The following RANBP2 variants were observed in gnomAD, a reference collection of about 807,000 sequenced individuals.
RANBP2 encodes E3 SUMO-protein ligase RanBP2.
In RANBP2, 57 loss-of-function variants were observed where a neutral mutation model predicts 303.6. That is an observed-to-expected ratio of 0.19 (90% CI 0.15 to 0.23). The LOEUF is 0.23. Ranked by LOEUF, RANBP2 falls within the 10% of genes least tolerant of loss-of-function variation. RANBP2 has a pLI of 1.00. For missense variants in RANBP2, 3,138 were observed against 3,780.8 expected (o/e 0.83, Z 4.46); for synonymous variants, 1,167 against 1,301.5 (o/e 0.90, Z 2.23).
At chr2:109,440,393 A>C in the RANBP2 span, among the ~76,000 whole-genome samples, 1 of 152,224 alleles carries the variant, frequency 6.6e-6, no homozygotes, top group African/African-American at 2.4e-5. Flanking sequence ...CGAAAAGCTA[A>C]GCAGAGCAGA....
chr2:109,365,697 T>C, the RANBP2 span, among the ~76,000 whole-genome samples: 1 of 152,230 alleles, frequency 6.6e-6, no homozygotes, highest in Non-Finnish European at 1.5e-5. Context: ...CTGTTTTATT[T>C]CATTGATCTT....
chr2:109,679,310 T>G, the RANBP2 span, among the ~76,000 whole-genome samples: 1 of 152,220 alleles, frequency 6.6e-6, no homozygotes, highest in Non-Finnish European at 1.5e-5. Context: ...TGCACATGTC[T>G]GCAAATGAAC....
chr2:109,456,154 T>C, the RANBP2 span, among the ~76,000 whole-genome samples: 1 of 152,186 alleles, frequency 6.6e-6, no homozygotes, highest in Non-Finnish European at 1.5e-5. Flanking sequence ...TGGTCAGCCA[T>C]GGGCCATGGA....
the RANBP2 span, among the ~76,000 whole-genome samples, chr2:109,287,309 G>C: frequency 1.8e-3 from 268 of 152,228 alleles, no homozygotes; most frequent in Middle Eastern, 0.01. Flanking sequence ...CTGATGCCCT[G>C]GTGGAGAGGC....
At chr2:109,276,247 C>T in the RANBP2 span, among the ~76,000 whole-genome samples, 954 of 152,280 alleles carry the variant, frequency 6.3e-3, 6 homozygotes, top group South Asian at 0.02. Context: ...AGGTGGCATA[C>T]GCTCATGTCT....
the RANBP2 span, chr2:108,895,270 CT>C: frequency 6.6e-6 from 1 of 152,566 alleles, no homozygotes; most frequent in Non-Finnish European, 1.5e-5. Flanking sequence ...GATTTTCCCC[CT>C]AAAGCATTTT....
At chr2:109,433,754 G>T in the RANBP2 span, among the ~76,000 whole-genome samples, 25 of 152,354 alleles carry the variant, frequency 1.6e-4, no homozygotes, top group East Asian at 4.1e-3. Context: ...GCTAAGGGAT[G>T]ATGGAGTTGC....
the RANBP2 span, among the ~76,000 whole-genome samples, chr2:109,337,200 G>T: frequency 1.3e-5 from 2 of 152,186 alleles, no homozygotes; most frequent in African/African-American, 2.4e-5. Context: ...TTGGCCACAT[G>T]ATTTAAAGAT....
the RANBP2 span, among the ~76,000 whole-genome samples, chr2:109,456,581 C>A: frequency 1.3e-5 from 2 of 152,212 alleles, no homozygotes; most frequent in African/African-American, 4.8e-5. Context: ...CTGGAGGCTT[C>A]TCTTGTTATC....
the RANBP2 span, among the ~76,000 whole-genome samples, chr2:109,257,997 C>T: frequency 1.7e-5 from 2 of 118,552 alleles, no homozygotes; most frequent in African/African-American, 6.5e-5. Flanking sequence ...ACCACATGTG[C>T]ACACACATAC....
chr2:108,812,644 G>C, the RANBP2 span: 1 of 1,612,292 alleles, frequency 6.2e-7, no homozygotes, highest in Non-Finnish European at 8.5e-7. Context: ...AATGAAGCAA[G>C]TGAAGAAAAC....
At chr2:109,707,060 T>C in the RANBP2 span, among the ~76,000 whole-genome samples, 6 of 152,354 alleles carry the variant, frequency 3.9e-5, no homozygotes, top group South Asian at 1.2e-3. Context: ...TATTACATCT[T>C]ACTCTATTTT....
chr2:109,277,971 T>TA, the RANBP2 span, among the ~76,000 whole-genome samples: 1 of 138,356 alleles, frequency 7.2e-6, no homozygotes, highest in Non-Finnish European at 1.5e-5. Flanking sequence ...GGCCAGGAGT[T>TA]AGAGATCAGC....
the RANBP2 span, chr2:109,546,031 G>A: frequency 6.5e-7 from 1 of 1,549,038 alleles, no homozygotes; most frequent in South Asian, 1.2e-5. Context: ...CTGCCAGGGA[G>A]GGTGGCTGGG....
the RANBP2 span, among the ~76,000 whole-genome samples, chr2:109,492,593 A>G: frequency 6.6e-6 from 1 of 152,108 alleles, no homozygotes; most frequent in African/African-American, 2.4e-5. Context: ...GAACCTTCCC[A>G]CGAACCCTAT....
At chr2:109,397,433 C>A in the RANBP2 span, among the ~76,000 whole-genome samples, 1 of 152,206 alleles carries the variant, frequency 6.6e-6, no homozygotes, top group African/African-American at 2.4e-5. Context: ...TTCCCAGCCA[C>A]CTCTGTGTAC....
At chr2:109,176,366 T>C in the RANBP2 span, among the ~76,000 whole-genome samples, 1 of 151,994 alleles carries the variant, frequency 6.6e-6, no homozygotes, top group Non-Finnish European at 1.5e-5. Context: ...AGTGAGATAC[T>C]CTGAGAGAAC....
At chr2:109,371,244 G>A in the RANBP2 span, among the ~76,000 whole-genome samples, 2 of 152,210 alleles carry the variant, frequency 1.3e-5, no homozygotes, top group Non-Finnish European at 2.9e-5. Flanking sequence ...ACAAAAATTA[G>A]CTGGGTGTGG....
At chr2:109,162,847 C>T in the RANBP2 span, among the ~76,000 whole-genome samples, 1 of 150,742 alleles carries the variant, frequency 6.6e-6, no homozygotes. Flanking sequence ...GTCCTTTTCT[C>T]ACCTTGGTAT....
Sources: allele counts gnomAD v4.1 joint callset (sites outside exome capture counted in the v4.1 genomes callset), GRCh38; gene constraint gnomAD v4.1.1; transcripts MANE v1.5; gene names NCBI Gene and HGNC (gene_info 2026-07-23, HGNC 2026-07-21).